Variants in OXR1 observed in about 807,000 individuals in gnomAD.
OXR1 encodes oxidation resistance protein 1.
In OXR1, 41 loss-of-function variants were observed where a neutral mutation model predicts 104.6. That is an observed-to-expected ratio of 0.39 (90% confidence interval 0.31 to 0.51). The LOEUF (loss-of-function observed/expected upper bound fraction) is 0.51, where lower values mean the gene tolerates loss of function less well. Ranked by LOEUF, OXR1 falls within the 20% of genes least tolerant of loss-of-function variation. OXR1 has a pLI of 0.77. For synonymous variants in OXR1, 348 were observed against 348.4 expected, an observed-to-expected ratio of 1.00 and a Z score of 0.01; for missense variants, 955 against 1,031.9, an observed-to-expected ratio of 0.93 and a Z score of 1.02.
At chr8:106,628,298 TTTATCATCTTAC>T (rs1822350547) in intron 3 of OXR1, among the ~76,000 whole-genome samples, 1 of 152,160 alleles carries the variant, frequency 6.6e-6, no homozygotes, top group African/African-American at 2.4e-5. Context: ...TTATTGACCC[TTTATCATCTTAC>T]CAGGTGCCAA....
intron 1 of OXR1, among the ~76,000 whole-genome samples, chr8:106,313,352 A>G (rs553620658): frequency 6.6e-6 from 1 of 152,260 alleles, no homozygotes; most frequent in African/African-American, 2.4e-5. Flanking sequence ...TGTAATTTCC[A>G]TTTTAAGTCC....
chr8:106,471,525 C>T (rs1413108595), intron 2 of OXR1, among the ~76,000 whole-genome samples: 2 of 151,798 alleles, frequency 1.3e-5, no homozygotes, highest in South Asian at 4.1e-4. Flanking sequence ...ATCTTTGTTT[C>T]TTTGTGTATT....
intron 2 of OXR1, among the ~76,000 whole-genome samples, chr8:106,488,317 A>AT (rs1311947941): frequency 1.1e-4 from 15 of 133,228 alleles, no homozygotes; most frequent in Non-Finnish European, 2.2e-4. Flanking sequence ...TAGATTCTGG[A>AT]TATTAGCCCT....
At chr8:106,292,015 C>G (rs1027177517) in intron 1 of OXR1, among the ~76,000 whole-genome samples, 1 of 152,142 alleles carries the variant, frequency 6.6e-6, no homozygotes, top group African/African-American at 2.4e-5. Flanking sequence ...GATGGGGACA[C>G]AGCCAAACCA....
chr8:106,595,763 C>T (rs1819483886), intron 3 of OXR1, among the ~76,000 whole-genome samples: 1 of 152,060 alleles, frequency 6.6e-6, no homozygotes, highest in African/African-American at 2.4e-5. Flanking sequence ...ATCCCATAAA[C>T]ATTTGTGCCA....
At chr8:106,501,553 G>A (rs1586728426) in intron 2 of OXR1, among the ~76,000 whole-genome samples, 1 of 152,214 alleles carries the variant, frequency 6.6e-6, no homozygotes, top group East Asian at 1.9e-4. Flanking sequence ...GGAAGCAGGA[G>A]AAGGAAGCCA....
chr8:106,643,708 T>C (rs1442618698), intron 3 of OXR1, among the ~76,000 whole-genome samples: 1 of 152,134 alleles, frequency 6.6e-6, no homozygotes, highest in African/African-American at 2.4e-5. Context: ...GGAAATGTCA[T>C]GTGGCAGCAT....
chr8:106,742,157 T>G, intron 14 of OXR1, 65 bp from the exon 15 acceptor site: 2 of 905,686 alleles, frequency 2.2e-6, no homozygotes, highest in Non-Finnish European at 3.7e-6. Context: ...ACATATATGA[T>G]GAAATAATGC....
chr8:106,391,136 G>A (rs1292468179), intron 2 of OXR1, among the ~76,000 whole-genome samples: 2 of 152,140 alleles, frequency 1.3e-5, no homozygotes, highest in Non-Finnish European at 2.9e-5. Context: ...AAACAAGATT[G>A]ACCGTGAGTT....
intron 6 of OXR1, among the ~76,000 whole-genome samples, chr8:106,691,645 C>T (rs1157614680): frequency 1.4e-5 from 2 of 144,652 alleles, no homozygotes; most frequent in African/African-American, 2.5e-5. Flanking sequence ...TATATATACA[C>T]ACACATATAT....
intron 1 of OXR1, among the ~76,000 whole-genome samples, chr8:106,338,452 A>C (rs1479728697): frequency 6.6e-6 from 1 of 151,696 alleles, no homozygotes; most frequent in Non-Finnish European, 1.5e-5. Flanking sequence ...AATCCCAGCT[A>C]CTTGGGAGGC....
chr8:106,278,539 C>T (rs1563690964), intron 1 of OXR1, among the ~76,000 whole-genome samples: 1 of 151,850 alleles, frequency 6.6e-6, no homozygotes, highest in Non-Finnish European at 1.5e-5. Flanking sequence ...AAAAATTCTA[C>T]ATCATCCATT....
intron 2 of OXR1, among the ~76,000 whole-genome samples, chr8:106,404,358 C>T (rs1043286527): frequency 2.0e-5 from 3 of 152,178 alleles, no homozygotes; most frequent in East Asian, 1.9e-4. Flanking sequence ...TCCCAACTTA[C>T]AGGATCCCAT....
intron 3 of OXR1, among the ~76,000 whole-genome samples, chr8:106,674,738 T>C (rs1827390677): frequency 6.6e-6 from 1 of 152,160 alleles, no homozygotes; most frequent in South Asian, 2.1e-4. Flanking sequence ...GTTTCCCTAA[T>C]GCTGTTCTTG....
intron 1 of OXR1, among the ~76,000 whole-genome samples, chr8:106,317,930 G>A (rs777405156): frequency 9.9e-5 from 15 of 151,884 alleles, no homozygotes; most frequent in Non-Finnish European, 2.2e-4. Flanking sequence ...TCATGAAAAA[G>A]GACACAGAGG....
chr8:106,512,032 T>C (rs1812565438), intron 2 of OXR1, among the ~76,000 whole-genome samples: 1 of 152,224 alleles, frequency 6.6e-6, no homozygotes, highest in African/African-American at 2.4e-5. Flanking sequence ...CATGTTTGCT[T>C]TTTCAAAGCA....
chr8:106,362,542 A>T (rs1816291161), intron 2 of OXR1, among the ~76,000 whole-genome samples: 1 of 152,150 alleles, frequency 6.6e-6, no homozygotes, highest in Non-Finnish European at 1.5e-5. Flanking sequence ...TTTCATGTAA[A>T]ATCTAAGAAA....
At chr8:106,744,948 A>G (rs1314915575) in intron 15 of OXR1, among the ~76,000 whole-genome samples, 1 of 152,178 alleles carries the variant, frequency 6.6e-6, no homozygotes. Flanking sequence ...AAATATGTCA[A>G]CTGATAGCAA....
At chr8:106,709,657 A>T (rs1587187601) in intron 9 of OXR1, among the ~76,000 whole-genome samples, 1 of 152,208 alleles carries the variant, frequency 6.6e-6, no homozygotes, top group African/African-American at 2.4e-5. Flanking sequence ...ACAAAAATTG[A>T]TAGATGTTTT....
Sources: allele counts gnomAD v4.1 joint callset (sites outside exome capture counted in the v4.1 genomes callset), GRCh38; gene constraint gnomAD v4.1.1; transcripts MANE v1.5; gene names NCBI Gene and HGNC (gene_info 2026-07-23, HGNC 2026-07-21).